The following ZHX3 variants were observed in gnomAD, a reference collection of about 807,000 sequenced individuals.
ZHX3 encodes the protein zinc fingers and homeoboxes protein 3.
ZHX3 carries 20 observed loss-of-function variants against 64.5 expected under a neutral mutation model. The ratio of observed to expected loss-of-function variants is 0.31; its 90% CI spans 0.22 to 0.45. The LOEUF is 0.45. Ranked by LOEUF, ZHX3 falls within the 20% of genes least tolerant of loss-of-function variation. The pLI, the probability that ZHX3 is intolerant of heterozygous loss-of-function variation, is 1.00. For synonymous variants in ZHX3, 423 were observed against 461.6 expected (o/e 0.92, Z 1.07); for missense variants, 1,041 against 1,195.8 (o/e 0.87, Z 1.91).
intron 1 of ZHX3, among the ~76,000 whole-genome samples, chr20:41,292,420 AT>A (rs914232788): frequency 1.1e-4 from 17 of 151,878 alleles, no homozygotes; most frequent in Non-Finnish European, 2.4e-4. Context: ...CTTAATAGTA[AT>A]TTTTTTTTGA....
chr20:41,238,065 A>G (rs576819653), intron 2 of ZHX3, among the ~76,000 whole-genome samples: 4 of 152,354 alleles, frequency 2.6e-5, no homozygotes, highest in African/African-American at 9.6e-5. Context: ...CATTAAATAC[A>G]TCAGTTACAG....
At chr20:41,315,278 G>A (rs2045253733) in intron 1 of ZHX3, among the ~76,000 whole-genome samples, 2 of 150,902 alleles carry the variant, frequency 1.3e-5, no homozygotes, top group Admixed American at 6.6e-5. Context: ...CGCATCCCGG[G>A]TTCAAGCAAT....
At chr20:41,188,865 T>C in intron 3 of ZHX3, among the ~76,000 whole-genome samples, 1 of 152,226 alleles carries the variant, frequency 6.6e-6, no homozygotes, top group Non-Finnish European at 1.5e-5. Flanking sequence ...ATAGTTCCCT[T>C]TGTCTATTTT....
chr20:41,207,506 A>G (rs1364176960), intron 2 of ZHX3, among the ~76,000 whole-genome samples: 2 of 152,248 alleles, frequency 1.3e-5, no homozygotes, highest in Non-Finnish European at 2.9e-5. Context: ...CTCAGACCAC[A>G]GTGCAATCAA....
intron 1 of ZHX3, among the ~76,000 whole-genome samples, chr20:41,270,538 T>C (rs1252603022): frequency 6.6e-6 from 1 of 151,988 alleles, no homozygotes; most frequent in African/African-American, 2.4e-5. Flanking sequence ...TAGCTGTGTG[T>C]GGTGGCAGGC....
At chr20:41,192,132 T>C (rs1404397589) in intron 3 of ZHX3, among the ~76,000 whole-genome samples, 1 of 152,180 alleles carries the variant, frequency 6.6e-6, no homozygotes, top group Non-Finnish European at 1.5e-5. Context: ...GTGTTGGCAG[T>C]GGCTGCAACA....
At chr20:41,270,331 G>C (rs1259327004) in intron 1 of ZHX3, among the ~76,000 whole-genome samples, 1 of 125,496 alleles carries the variant, frequency 8.0e-6, no homozygotes, top group African/African-American at 3.1e-5. Flanking sequence ...AGCCGAGATC[G>C]CACCACTGCA....
chr20:41,279,760 C>T (rs1166332711), intron 1 of ZHX3, among the ~76,000 whole-genome samples: 2 of 152,132 alleles, frequency 1.3e-5, no homozygotes, highest in African/African-American at 4.8e-5. Context: ...TCAGGACTGA[C>T]TGAATGACAG....
chr20:41,236,990 C>T (rs1043541656), intron 2 of ZHX3, among the ~76,000 whole-genome samples: 5 of 152,206 alleles, frequency 3.3e-5, no homozygotes, highest in Non-Finnish European at 4.4e-5. Flanking sequence ...GACATTTATG[C>T]AGCCAAAAGA....
intron 2 of ZHX3, among the ~76,000 whole-genome samples, chr20:41,261,851 A>G (rs746827742): frequency 4.6e-5 from 7 of 152,234 alleles, no homozygotes; most frequent in East Asian, 1.9e-4. Flanking sequence ...TTTCTGATCA[A>G]TATTTCCAAC....
rs986000176 is a variant in ZHX3, at chr20:41,180,992, A to AT, written c.*4198dup. ...AAAGGCTTGAGCTCCACAACTGCCC[A>AT]TTTGCTCAGACAATGGAGCTTTTCT... On this transcript the variant is annotated 3_prime_UTR_variant, in exon 4 of 4. Coordinates refer to ENST00000683867, the MANE Select transcript of ZHX3 (RefSeq NM_001384317.1). 1.2e-4 allele frequency: 19 copies of AT among 152,286 alleles called. No individual in the cohort carries two copies. Among genetic ancestry groups the AT allele is most frequent in the Admixed American group, 7.2e-4 (11 of 15,284 alleles). The allele number at this position is 152,286 out of a possible 1,614,324, so 9.4% of individuals were successfully genotyped here. A position where few individuals can be genotyped will look rare whatever the true frequency, so the allele number is the denominator to read the frequency against.
At chr20:41,190,323 T>C (rs1427363140) in intron 3 of ZHX3, among the ~76,000 whole-genome samples, 1 of 152,080 alleles carries the variant, frequency 6.6e-6, no homozygotes, top group African/African-American at 2.4e-5. Flanking sequence ...TACAGGCATG[T>C]GCCACCATGC....
intron 2 of ZHX3, among the ~76,000 whole-genome samples, chr20:41,264,752 G>A (rs2042751318): frequency 6.6e-6 from 1 of 151,928 alleles, no homozygotes. Context: ...TATACACAAA[G>A]CACACAAAGC....
At chr20:41,291,310 G>T (rs2044225785) in intron 1 of ZHX3, among the ~76,000 whole-genome samples, 1 of 152,172 alleles carries the variant, frequency 6.6e-6, no homozygotes, top group Non-Finnish European at 1.5e-5. Flanking sequence ...TGTGGAAGTA[G>T]ATGAGAAATG....
At chr20:41,266,207 C>T (rs763407849) in intron 2 of ZHX3, among the ~76,000 whole-genome samples, 1 of 152,158 alleles carries the variant, frequency 6.6e-6, no homozygotes, top group Non-Finnish European at 1.5e-5. Context: ...AGAGAAAAAG[C>T]ATGACGTGTA....
intron 3 of ZHX3, among the ~76,000 whole-genome samples, chr20:41,194,407 T>C (rs1315120803): frequency 1.3e-5 from 2 of 152,184 alleles, no homozygotes; most frequent in African/African-American, 2.4e-5. Context: ...AATCCTTGCA[T>C]TGCAGGGATA....
At chr20:41,305,329 C>T (rs556292546) in intron 1 of ZHX3, among the ~76,000 whole-genome samples, 1 of 152,064 alleles carries the variant, frequency 6.6e-6, no homozygotes, top group Non-Finnish European at 1.5e-5. Flanking sequence ...CCTGCCTCTA[C>T]AAAAAATACA....
At chr20:41,253,259 A>G (rs1161262307) in intron 2 of ZHX3, among the ~76,000 whole-genome samples, 1 of 150,770 alleles carries the variant, frequency 6.6e-6, no homozygotes, top group Admixed American at 6.6e-5. Flanking sequence ...AAAAAAAAAA[A>G]AAGTATGGAC....
At chr20:41,236,102 C>T (rs2040965439) in intron 2 of ZHX3, among the ~76,000 whole-genome samples, 1 of 152,176 alleles carries the variant, frequency 6.6e-6, no homozygotes, top group African/African-American at 2.4e-5. Context: ...CTACAGACCA[C>T]TGCTCAATGA....
Sources: allele counts gnomAD v4.1 joint callset (sites outside exome capture counted in the v4.1 genomes callset), GRCh38; gene constraint gnomAD v4.1.1; transcripts MANE v1.5; gene names NCBI Gene and HGNC (gene_info 2026-07-23, HGNC 2026-07-21).